ARHGAP31: variants seen among roughly 807,000 people sequenced by gnomAD.
ARHGAP31 encodes the protein rho GTPase-activating protein 31.
ARHGAP31 carries 34 observed loss-of-function variants against 113.9 expected under a neutral mutation model. The observed-to-expected ratio is 0.30, with a 90% confidence interval of 0.23 to 0.40. ARHGAP31 has a LOEUF of 0.40. Among genes scored for constraint, ARHGAP31 ranks in the 10% least tolerant of loss-of-function variants. ARHGAP31 has a pLI of 1.00. For missense variants in ARHGAP31, 1,548 were observed against 1,767.1 expected (o/e 0.88, Z 2.22); for synonymous variants, 650 against 684.8 (o/e 0.95, Z 0.79).
intron 1 of ARHGAP31, among the ~76,000 whole-genome samples, chr3:119,333,642 T>G (rs2079916280): frequency 6.6e-6 from 1 of 152,196 alleles, no homozygotes; most frequent in African/African-American, 2.4e-5. Flanking sequence ...TTCCCAACAC[T>G]TATTACCTCC....
intron 6 of ARHGAP31, among the ~76,000 whole-genome samples, chr3:119,384,543 C>T (rs935187072): frequency 6.6e-5 from 10 of 152,184 alleles, no homozygotes; most frequent in African/African-American, 2.2e-4. Context: ...CTTCTTTCTG[C>T]GTCCTCCTAT....
At chr3:119,364,521 A>G (rs955027881) in intron 1 of ARHGAP31, among the ~76,000 whole-genome samples, 1 of 152,198 alleles carries the variant, frequency 6.6e-6, no homozygotes, top group African/African-American at 2.4e-5. Flanking sequence ...CATGTTTAGA[A>G]TAAAGCAGTG....
At chr3:119,352,647 G>A (rs2080119962) in intron 1 of ARHGAP31, among the ~76,000 whole-genome samples, 1 of 152,152 alleles carries the variant, frequency 6.6e-6, no homozygotes, top group African/African-American at 2.4e-5. Context: ...TTTCTTTGAA[G>A]GGAAGAACTT....
chr3:119,321,600 A>G (rs2079786654), intron 1 of ARHGAP31, among the ~76,000 whole-genome samples: 1 of 151,454 alleles, frequency 6.6e-6, no homozygotes. Flanking sequence ...TTATAACCGA[A>G]GTCTTTATTC....
chr3:119,306,665 G>A (rs2079633089), intron 1 of ARHGAP31, among the ~76,000 whole-genome samples: 1 of 152,226 alleles, frequency 6.6e-6, no homozygotes, highest in African/African-American at 2.4e-5. Flanking sequence ...GCAGCAAGCT[G>A]TAAAGTGCTG....
At chr3:119,383,573 C>A (rs971769946) in intron 6 of ARHGAP31, among the ~76,000 whole-genome samples, 1 of 152,222 alleles carries the variant, frequency 6.6e-6, no homozygotes, top group Non-Finnish European at 1.5e-5. Flanking sequence ...TGCCAGCATT[C>A]TTCTCATTGA....
chr3:119,349,445 G>T (rs1021718222), intron 1 of ARHGAP31, among the ~76,000 whole-genome samples: 2 of 152,200 alleles, frequency 1.3e-5, no homozygotes, highest in Non-Finnish European at 2.9e-5. Context: ...CAGGAGAGAA[G>T]CATCTCCTGG....
Position 119,402,242 on chromosome 3 carries a change from G to T in ARHGAP31, c.1490G>T (p.Arg497Leu). 6.2e-7 allele frequency: 1 copy of T among 1,614,244 alleles called. No homozygotes were observed. Among genetic ancestry groups the T allele is most frequent in the Non-Finnish European group, 8.5e-7 (1 of 1,180,032 alleles). ...SEPFAVSVPL[R>L]VSAVISTNST... ...CCCTTTGCGGTATCTGTGCCGCTCC[G>T]CGTGTCCGCAGTCATCAGCACCAAC... The change falls in exon 10 of 12, where the codon CGC becomes CTC. Residue 497 changes from arginine (R) to leucine (L), a missense_variant. Physicochemically the swap from Arg to Leu is moderately radical, Grantham distance 102. Transcript: ENST00000264245.
chr3:119,375,303 G>C (rs571851308), intron 3 of ARHGAP31, among the ~76,000 whole-genome samples: 1 of 152,154 alleles, frequency 6.6e-6, no homozygotes, highest in Admixed American at 6.5e-5. Context: ...AGGAAAAGCC[G>C]TTCCTTGCTC....
At chr3:119,381,914 A>C (rs2080402338) in intron 4 of ARHGAP31, among the ~76,000 whole-genome samples, 1 of 141,870 alleles carries the variant, frequency 7.0e-6, no homozygotes, top group Admixed American at 7.8e-5. Flanking sequence ...TGAACCCGGG[A>C]GGCGGAGCTT....
intron 10 of ARHGAP31, among the ~76,000 whole-genome samples, chr3:119,405,279 T>C (rs916097095): frequency 3.3e-5 from 5 of 152,110 alleles, no homozygotes; most frequent in Non-Finnish European, 7.4e-5. Context: ...ATATAGAAAA[T>C]AAAAAATACA....
At chr3:119,397,015 C>T (rs1290495262) in intron 8 of ARHGAP31, among the ~76,000 whole-genome samples, 1 of 152,200 alleles carries the variant, frequency 6.6e-6, no homozygotes, top group African/African-American at 2.4e-5. Context: ...ATAGCAGGTC[C>T]AGGCTCACCT....
At chr3:119,308,632 T>A (rs2079651776) in intron 1 of ARHGAP31, among the ~76,000 whole-genome samples, 1 of 152,164 alleles carries the variant, frequency 6.6e-6, no homozygotes, top group Non-Finnish European at 1.5e-5. Context: ...TATCCCTATC[T>A]CAAGGTCCTT....
At chr3:119,304,652 C>T (rs2079613885) in intron 1 of ARHGAP31, among the ~76,000 whole-genome samples, 1 of 150,078 alleles carries the variant, frequency 6.7e-6, no homozygotes, top group Non-Finnish European at 1.5e-5. Context: ...GAGGGCAAAC[C>T]AGCTGATAAT....
chr3:119,388,697 A>C (rs1461319543), intron 6 of ARHGAP31, among the ~76,000 whole-genome samples: 2 of 152,124 alleles, frequency 1.3e-5, no homozygotes, highest in Non-Finnish European at 2.9e-5. Flanking sequence ...GGAAGGAGAG[A>C]TGCATTAAGG....
At chr3:119,316,841 T>TA (rs893043400) in intron 1 of ARHGAP31, among the ~76,000 whole-genome samples, 1 of 152,168 alleles carries the variant, frequency 6.6e-6, no homozygotes, top group Admixed American at 6.6e-5. Context: ...ACTTCATGCT[T>TA]AAAAAAATAA....
At chr3:119,382,512 T>A in intron 5 of ARHGAP31, 113 bp downstream of exon 5, 1 of 1,012,670 alleles carries the variant, frequency 9.9e-7, no homozygotes, top group Non-Finnish European at 1.5e-6. Context: ...ATCTGTGGCT[T>A]AAGTGGTCAT....
intron 3 of ARHGAP31, 142 bp downstream of exon 3, chr3:119,368,658 G>A (rs1278144922): frequency 2.7e-6 from 3 of 1,117,182 alleles, no homozygotes; most frequent in African/African-American, 3.1e-5. Context: ...GGATAATATG[G>A]TAAGGAAAAT....
intron 3 of ARHGAP31, among the ~76,000 whole-genome samples, chr3:119,374,146 C>T (rs1283602866): frequency 6.6e-6 from 1 of 152,122 alleles, no homozygotes; most frequent in East Asian, 1.9e-4. Flanking sequence ...AGTGTAATCT[C>T]TAATGTTGGA....
Sources: gnomAD v4.1 joint callset for allele counts (sites outside exome capture counted in the v4.1 genomes callset) on GRCh38, gnomAD v4.1.1 for gene constraint, MANE v1.5 for transcripts, NCBI Gene and HGNC (gene_info 2026-07-23, HGNC 2026-07-21) for gene names.